Variants in DSCAML1 observed in about 807,000 individuals in gnomAD.
DSCAML1 encodes DS cell adhesion molecule like 1, also known as cell adhesion molecule DSCAML1.
A neutral mutation model predicts 200.5 loss-of-function variants in DSCAML1; 38 were observed. The ratio of observed to expected loss-of-function variants is 0.19; its 90% confidence interval spans 0.15 to 0.25. The LOEUF is 0.25. Ranked by LOEUF, DSCAML1 falls within the 10% of genes least tolerant of loss-of-function variation. The pLI is 1.00. For missense variants in DSCAML1, 2,223 were observed against 2,858.8 expected (o/e 0.78, Z 5.07); for synonymous variants, 1,215 against 1,165.0 (o/e 1.04, Z -0.87).
chr11:117,756,016 T>C (rs544910359), intron 3 of DSCAML1, among the ~76,000 whole-genome samples: 2 of 152,362 alleles, frequency 1.3e-5, no homozygotes, highest in East Asian at 3.9e-4. Context: ...ATGAGTTTTC[T>C]TATGATTAAA....
intron 3 of DSCAML1, among the ~76,000 whole-genome samples, chr11:117,763,819 G>A (rs2054847598): frequency 6.6e-6 from 1 of 152,018 alleles, no homozygotes; most frequent in African/African-American, 2.4e-5. Flanking sequence ...GCTCCCCAGG[G>A]GACTCTAAAT....
chr11:117,660,302 T>C (rs2052820275), intron 3 of DSCAML1, among the ~76,000 whole-genome samples: 1 of 152,190 alleles, frequency 6.6e-6, no homozygotes, highest in African/African-American at 2.4e-5. Flanking sequence ...TGGTATTGTG[T>C]CTAAGGTTGA....
intron 20 of DSCAML1, among the ~76,000 whole-genome samples, chr11:117,446,455 C>A (rs1489209611): frequency 6.6e-6 from 1 of 152,006 alleles, no homozygotes; most frequent in African/African-American, 2.4e-5. Flanking sequence ...CAGAAAATGG[C>A]TATTATCCTT....
chr11:117,761,753 C>A (rs562427263), intron 3 of DSCAML1, among the ~76,000 whole-genome samples: 1 of 152,220 alleles, frequency 6.6e-6, no homozygotes, highest in South Asian at 2.1e-4. Flanking sequence ...TGCCTGTAGT[C>A]CCAGCTACTT....
chr11:117,574,063 A>G (rs2050892921), intron 3 of DSCAML1, among the ~76,000 whole-genome samples: 1 of 152,126 alleles, frequency 6.6e-6, no homozygotes. Flanking sequence ...TAGGAGCTGG[A>G]TGGGAGGGAA....
chr11:117,714,779 G>A (rs1401762705), intron 3 of DSCAML1, among the ~76,000 whole-genome samples: 1 of 135,596 alleles, frequency 7.4e-6, no homozygotes, highest in Non-Finnish European at 1.5e-5. Context: ...CCGAGATCAC[G>A]CCATTGCACT....
chr11:117,467,749 A>G (rs1343438611), intron 16 of DSCAML1, among the ~76,000 whole-genome samples: 1 of 152,166 alleles, frequency 6.6e-6, no homozygotes, highest in Non-Finnish European at 1.5e-5. Flanking sequence ...TTGTATCTAC[A>G]CATGTATGTC....
chr11:117,805,458 T>C (rs533475451), intron 1 of DSCAML1, among the ~76,000 whole-genome samples: 2 of 152,124 alleles, frequency 1.3e-5, no homozygotes, highest in Non-Finnish European at 2.9e-5. Context: ...AGGTAATAGG[T>C]AAGGTGCAAA....
intron 3 of DSCAML1, among the ~76,000 whole-genome samples, chr11:117,761,480 C>T (rs2137892697): frequency 6.6e-6 from 1 of 152,340 alleles, no homozygotes; most frequent in East Asian, 1.9e-4. Flanking sequence ...GCTCTGATAC[C>T]ACATGGCTTG....
At chr11:117,542,593 T>C (rs2050293457) in intron 3 of DSCAML1, among the ~76,000 whole-genome samples, 1 of 152,250 alleles carries the variant, frequency 6.6e-6, no homozygotes, top group African/African-American at 2.4e-5. Context: ...TACTTTGGAT[T>C]TGGAGAGAGA....
At chr11:117,726,191 T>A (rs144747590) in intron 3 of DSCAML1, among the ~76,000 whole-genome samples, 1,793 of 152,242 alleles carry the variant, frequency 0.012, 25 homozygotes, top group Non-Finnish European at 0.012. Flanking sequence ...AGTTTCCTCA[T>A]CTAGAAAAAG....
rs981770414 is a variant in DSCAML1, at chr11:117,439,549, G to A, written c.3981-120C>T. 6 of 1,326,194 alleles carry A rather than the reference G, an allele frequency of 4.5e-6. No individual in the cohort carries two copies. The African/African-American group carries it at 8.7e-5, about 19-fold the overall frequency. The allele number at this position is 1,326,194 out of a possible 1,614,324, so 82.2% of individuals were successfully genotyped here. A position where few individuals can be genotyped will look rare whatever the true frequency, so the allele number is the denominator to read the frequency against. On this transcript the variant is annotated intron_variant, in intron 22 of 32. Transcript: ENST00000651296. ...GAAGGAGGCTCGCCAGGGAACGCCG[G>A]GTTCTTGGGGCTTTGCTCAGCACTC...
chr11:117,571,709 C>A (rs931149808), intron 3 of DSCAML1, among the ~76,000 whole-genome samples: 1 of 152,190 alleles, frequency 6.6e-6, no homozygotes, highest in Admixed American at 6.5e-5. Context: ...GCATTTGAAC[C>A]AGAGCAACTC....
chr11:117,777,155 C>A (rs2055141928), intron 2 of DSCAML1, among the ~76,000 whole-genome samples: 1 of 152,206 alleles, frequency 6.6e-6, no homozygotes, highest in East Asian at 1.9e-4. Flanking sequence ...CCCCATCCTA[C>A]TGGGCAGCCT....
Position 117,480,326 on chromosome 11 carries a change from T to G in DSCAML1, c.2785+117A>C. On this transcript the variant is annotated intron_variant, in intron 14 of 32. Transcript: ENST00000651296. This position sits in a 1 kb window ranked among gnomAD's most constrained non-coding sequence, Gnocchi z 4.1. ...GTGCACTGGTGGGTGCTTGTGTGTC[T>G]AGCTTGGATGGGCAGCCCTAAGGCT... 1 of 1,464,774 alleles carries G rather than the reference T, an allele frequency of 6.8e-7. No individual in the cohort carries two copies. The highest frequency in any genetic ancestry group is 9.2e-7 in the Non-Finnish European group (1 of 1,082,874). 90.7% of individuals were successfully genotyped at this position (1,464,774 alleles called of 1,614,324 possible). A position where few individuals can be genotyped will look rare whatever the true frequency, so the allele number is the denominator to read the frequency against.
chr11:117,700,439 T>C (rs1234616558), intron 3 of DSCAML1, among the ~76,000 whole-genome samples: 1 of 152,146 alleles, frequency 6.6e-6, no homozygotes. Flanking sequence ...GGAAACGGCC[T>C]TTGCTCCCCA....
At chr11:117,762,262 G>A (rs930453420) in intron 3 of DSCAML1, among the ~76,000 whole-genome samples, 4 of 152,084 alleles carry the variant, frequency 2.6e-5, no homozygotes, top group Non-Finnish European at 4.4e-5. Context: ...CTGGTCTGCC[G>A]GTCGGGCCAA....
intron 3 of DSCAML1, among the ~76,000 whole-genome samples, chr11:117,662,318 G>C (rs1332810180): frequency 4.6e-5 from 7 of 152,230 alleles, no homozygotes; most frequent in African/African-American, 1.4e-4. Context: ...GGAACCAGTA[G>C]TTTTCAGTCT....
intron 1 of DSCAML1, among the ~76,000 whole-genome samples, chr11:117,810,743 T>C (rs1350325200): frequency 6.6e-6 from 1 of 152,234 alleles, no homozygotes; most frequent in Non-Finnish European, 1.5e-5. Context: ...TTTTCCATCC[T>C]ACAAGAGCTA....
Sources: gnomAD v4.1 joint callset for allele counts (sites outside exome capture counted in the v4.1 genomes callset) on GRCh38, gnomAD v4.1.1 for gene constraint, Gnocchi (gnomAD v3.1) non-coding constraint, MANE v1.5 for transcripts, NCBI Gene and HGNC (gene_info 2026-07-23, HGNC 2026-07-21) for gene names.